ATG9B: variants seen among roughly 807,000 people sequenced by gnomAD.
ATG9B encodes autophagy related 9B, also known as autophagy-related protein 9B.
Under a neutral mutation model 92.9 loss-of-function variants are expected in ATG9B, and 92 were observed. That is an observed-to-expected ratio of 0.99 (90% CI 0.84 to 1.18). The LOEUF is 1.18. Among genes scored for constraint, ATG9B ranks in the 50% most tolerant of loss-of-function variants. The pLI, the probability that ATG9B is intolerant of heterozygous loss-of-function variation, is 0.00. For missense variants in ATG9B, 1,344 were observed against 1,235.0 expected, an observed-to-expected ratio of 1.09 and a Z score of -1.32; for synonymous variants, 599 against 551.4, an observed-to-expected ratio of 1.09 and a Z score of -1.21.
chr7:151,018,507 G>A lies in ATG9B; in HGVS notation c.1719-60C>T, dbSNP rs1196526452. 1.4e-5 allele frequency: 22 copies of A among 1,518,358 alleles called. No individual in the cohort carries two copies. Among genetic ancestry groups the A allele is most frequent in the Non-Finnish European group, 1.8e-5 (20 of 1,135,840 alleles). The allele number at this position is 1,518,358 out of a possible 1,614,324, so 94.1% of individuals were successfully genotyped here. A position where few individuals can be genotyped will look rare whatever the true frequency, so the allele number is the denominator to read the frequency against. On this transcript the variant is annotated intron_variant, in intron 6 of 13. Transcript: ENST00000639579. This position sits in a 1 kb window ranked among gnomAD's most constrained non-coding sequence, Gnocchi z 4.7. Reference sequence around the variant, plus strand: ...CGATTAGGAGGACGCGCGGTGGGATGTAGGGCTAGAGGGCCCCAGTGGTGG... The same window carrying A: ...CGATTAGGAGGACGCGCGGTGGGATATAGGGCTAGAGGGCCCCAGTGGTGG...
At chr7:151,013,465 G>A, downstream of ATG9B, 2 of 1,491,424 alleles carry the variant, frequency 1.3e-6, no homozygotes, top group Non-Finnish European at 1.8e-6. Flanking sequence ...CACCAACCAC[G>A]GCCCTCCCGT....
chr7:151,020,837 C>A, intron 5 of ATG9B: 1 of 226,138 alleles, frequency 4.4e-6, no homozygotes, highest in Non-Finnish European at 8.8e-6. Flanking sequence ...CTCCCCTCCC[C>A]TCCTGTCCTG....
chr7:151,018,398 G>A lies in ATG9B; in HGVS notation c.1768C>T (p.Leu590=). 6.4e-7 allele frequency: 1 copy of A among 1,569,738 alleles called. No homozygotes were observed. Among genetic ancestry groups the A allele is most frequent in the Non-Finnish European group, 8.6e-7 (1 of 1,159,088 alleles). The change falls in exon 7 of 14, where the codon CTG becomes TTG. Residue 590 remains leucine, a synonymous_variant. Coordinates refer to ENST00000639579, the MANE Select transcript of ATG9B (RefSeq NM_001317056.2). The surrounding 1 kb of genome is among the most constrained non-coding windows in gnomAD (Gnocchi z 4.7). ...QCQGRAPQLL[L]QTALAHMHYL... is the part of the protein sequence containing the mutation. Reference sequence around the variant, plus strand: ...TGCATGTGGGCCAGGGCTGTCTGCAGCAGGAGCTGCGGCGCACGACCCTGG... The same window carrying A: ...TGCATGTGGGCCAGGGCTGTCTGCAACAGGAGCTGCGGCGCACGACCCTGG...
At chr7:151,021,470 G>A (rs1027832543) in intron 4 of ATG9B, 141 bp from the exon 5 acceptor site, 4 of 1,179,800 alleles carry the variant, frequency 3.4e-6, no homozygotes, top group Non-Finnish European at 4.6e-6. Flanking sequence ...GCCCGGGGCA[G>A]GGGGTGGGTG....
chr7:151,024,236 G>A lies in ATG9B; in HGVS notation c.188C>T (p.Pro63Leu). The change falls in exon 1 of 14, where the codon CCC (proline) becomes CTC (leucine). Residue 63 changes from proline (P) to leucine (L), a missense_variant. Pro to Leu is a moderately conservative substitution (Grantham distance 98). Transcript: ENST00000639579. Reference sequence around the variant, plus strand: ...TGCGGTGGGAGGGGAAAATGAGGAGGGGGAGCTTCTTGTATGAGGGGCAGG... The same window carrying A: ...TGCGGTGGGAGGGGAAAATGAGGAGAGGGAGCTTCTTGTATGAGGGGCAGG... ...LSPAPHTRSS[P>L]SSFSPPTAGP... 1 of 1,482,704 alleles carries A rather than the reference G, an allele frequency of 6.7e-7. No individual in the cohort carries two copies. The highest frequency in any genetic ancestry group is 9.0e-7 in the Non-Finnish European group (1 of 1,114,760). The allele number at this position is 1,482,704 out of a possible 1,614,324, so 91.8% of individuals were successfully genotyped here. A position where few individuals can be genotyped will look rare whatever the true frequency, so the allele number is the denominator to read the frequency against.
At position 151,015,646 on chromosome 7, in the gene ATG9B, C is replaced by G. The variant is rs3918216; in HGVS notation, c.*82G>C. 2,002 of 453,272 alleles carry G rather than the reference C, an allele frequency of 4.4e-3. 41 individuals carry two copies. Among genetic ancestry groups the G allele is most frequent in the African/African-American group, 0.035 (1,737 of 49,604 alleles). 28.1% of individuals were successfully genotyped at this position (453,272 alleles called of 1,614,324 possible). ...CCTGGGCCTGTCATCTATGGGGCCTCTAACAATGACTCCTTGTGTTTTTCT... is the reference window on the plus strand; with the variant it reads ...CCTGGGCCTGTCATCTATGGGGCCTGTAACAATGACTCCTTGTGTTTTTCT... On this transcript the variant is annotated 3_prime_UTR_variant, in exon 14 of 14. Coordinates refer to ENST00000639579, the MANE Select transcript of ATG9B (RefSeq NM_001317056.2).
Position 151,024,431 on chromosome 7 carries a change from C to T in ATG9B, c.-8G>A, listed in dbSNP as rs1005239340. 7 of 1,338,778 alleles carry T rather than the reference C, an allele frequency of 5.2e-6. No individual in the cohort carries two copies. Among genetic ancestry groups the T allele is most frequent in the South Asian group, 2.5e-5 (1 of 39,342 alleles). 82.9% of individuals were successfully genotyped at this position (1,338,778 alleles called of 1,614,324 possible). A position where few individuals can be genotyped will look rare whatever the true frequency, so the allele number is the denominator to read the frequency against. ...GCCCATTCGGCTCACCATCAGGCCA[C>T]GGCTTCTCCAGAAAGGTTGGAAGGA... is the stretch of plus-strand genomic sequence containing the variant. On this transcript the variant is annotated 5_prime_UTR_variant, in exon 1 of 14. In the 5' UTR this introduces an upstream ATG that the reference lacks. Transcript: ENST00000639579.
chr7:151,013,530 C>T (rs1248106499), downstream of ATG9B: 144 of 1,180,082 alleles, frequency 1.2e-4, no homozygotes, highest in Non-Finnish European at 1.6e-4. Flanking sequence ...CCTTGTGCCC[C>T]GGCCCCTCTA....
At chr7:151,014,308 A>G, downstream of ATG9B, 2 of 936,574 alleles carry the variant, frequency 2.1e-6, no homozygotes, top group Non-Finnish European at 3.1e-6. Context: ...ATTCAGCATT[A>G]TTCCTCCAGG....
At position 151,023,871 on chromosome 7, in the gene ATG9B, T is replaced by C. The variant is rs1337928205; in HGVS notation, c.550+3A>G. ...CCTCTCCCACCCACACCCACACACATACCTCGGAGCCCTTCAGGGACATGA... is the reference window on the plus strand; with the variant it reads ...CCTCTCCCACCCACACCCACACACACACCTCGGAGCCCTTCAGGGACATGA... On this transcript the variant is annotated splice_donor_region_variant and intron_variant, in intron 1 of 13. Coordinates refer to ENST00000639579, the MANE Select transcript of ATG9B (RefSeq NM_001317056.2). 6.2e-7 allele frequency: 1 copy of C among 1,610,864 alleles called. No individual in the cohort carries two copies. The highest frequency in any genetic ancestry group is 8.5e-7 in the Non-Finnish European group (1 of 1,178,668).
downstream of ATG9B, chr7:151,012,735 T>G: frequency 2.4e-6 from 1 of 408,888 alleles, no homozygotes; most frequent in South Asian, 3.6e-5. Flanking sequence ...GGATTAGGGC[T>G]AAGACTCAAA....
rs760865823 is a variant in ATG9B at position 151,019,239 on chromosome 7, A to T, written c.1099T>A (p.Tyr367Asn). The T allele has an allele frequency of 7.1e-6, 11 of 1,557,568 alleles. No individual in the cohort carries two copies. In the South Asian group the frequency reaches 1.3e-4, roughly 18 times the overall value. Reference sequence around the variant, plus strand: ...CCTTTGTTGGCCAGCGCCACCTGGTAGTTGGTGTAGCGCAGGATGCGGTGG... The same window carrying T: ...CCTTTGTTGGCCAGCGCCACCTGGTTGTTGGTGTAGCGCAGGATGCGGTGG... ...IHHRILRYTN[Y>N]QVALANKGLL... The change falls in exon 6 of 14, where the codon TAC becomes AAC. Residue 367 changes from tyrosine (Y) to asparagine (N), a missense_variant. By Grantham distance (143) the Tyr-to-Asn change is moderately radical. Transcript: ENST00000639579.
chr7:151,015,845 G>A (rs1251084564), intron 13 of ATG9B, 37 bp downstream of exon 13: 11 of 1,531,148 alleles, frequency 7.2e-6, no homozygotes, highest in East Asian at 4.9e-5. Flanking sequence ...TACCTATGCC[G>A]TCCTTTCTCC....
intron 4 of ATG9B, 88 bp from the exon 5 acceptor site, chr7:151,021,417 A>G (rs1209684686): frequency 7.5e-6 from 11 of 1,462,822 alleles, no homozygotes; most frequent in Non-Finnish European, 8.2e-6. Context: ...AAAAACCATC[A>G]TGAGGAGGGG....
rs1262294083 is a variant in ATG9B, at chr7:151,017,158, G to C, written c.2167C>G (p.His723Asp). 6.2e-7 allele frequency: 1 copy of C among 1,613,170 alleles called. No homozygotes were observed. The highest frequency in any genetic ancestry group is 8.5e-7 in the Non-Finnish European group (1 of 1,179,824). ...LAHPLWRPPG[H>D]SSKFLGHLWG... ...AGGTGCCCAAGAAACTTAGAGCTGT[G>C]CCCTGGGGGGCGCCAGAGTGGATGC... is the stretch of plus-strand genomic sequence containing the variant. The change falls in exon 9 of 14, where the codon CAC becomes GAC. Residue 723 changes from histidine to aspartate, a missense_variant. Coordinates refer to ENST00000639579, the MANE Select transcript of ATG9B (RefSeq NM_001317056.2).
rs574506942 is a variant in ATG9B, at chr7:151,016,199, C to T, written c.2557G>A (p.Glu853Lys). Residue 853 changes from glutamate to lysine, a missense_variant, in exon 12 of 14, where the codon GAG becomes AAG. Glu to Lys is a moderately conservative substitution (Grantham distance 56, BLOSUM62 1). Transcript: ENST00000639579. ...QQQQQQEPWG[E>K]AAASILSRPC... ...CTGGACAGGATGGAGGCTGCAGCCTCACCCCACGGCTCCTGCTGCTGCTGC... is the reference window on the plus strand; with the variant it reads ...CTGGACAGGATGGAGGCTGCAGCCTTACCCCACGGCTCCTGCTGCTGCTGC... 107 of 1,512,892 alleles carry T rather than the reference C, an allele frequency of 7.1e-5. No individual in the cohort carries two copies. In the African/African-American group the frequency reaches 1.4e-3, roughly 20 times the overall value. 93.7% of individuals were successfully genotyped at this position (1,512,892 alleles called of 1,614,324 possible).
Position 151,018,893 on chromosome 7 carries a change from G to GAC in ATG9B, c.1443_1444dup (p.Ser482CysfsTer73), listed in dbSNP as rs1563254424. On this transcript the variant is annotated frameshift_variant, in exon 6 of 14. Transcript: ENST00000639579. LOFTEE classifies it high-confidence loss of function. This position sits in a 1 kb window ranked among gnomAD's most constrained non-coding sequence, Gnocchi z 4.7. ...GCGCAGCTGCAAGCGCGCCAGGCGG[G>GAC]ACCAGCCGCGCGCCCCCAGCGCGCC... The GAC allele has an allele frequency of 6.9e-7, 1 of 1,457,416 alleles. No homozygotes were observed. Among genetic ancestry groups the GAC allele is most frequent in the Non-Finnish European group, 9.0e-7 (1 of 1,113,686 alleles). 90.3% of individuals were successfully genotyped at this position (1,457,416 alleles called of 1,614,324 possible).
At chr7:151,021,456 T>C (rs1795745507) in intron 4 of ATG9B, 127 bp from the exon 5 acceptor site, 1 of 1,339,484 alleles carries the variant, frequency 7.5e-7, no homozygotes, top group Non-Finnish European at 9.9e-7. Context: ...GCTCTCAAGG[T>C]AGAGCCCGGG....
downstream of ATG9B, chr7:151,014,242 C>T: frequency 1.4e-6 from 2 of 1,409,786 alleles, no homozygotes; most frequent in Admixed American, 2.1e-5. Flanking sequence ...CAGGATCAGC[C>T]CCGCTCCTCC....
Sources: allele counts gnomAD v4.1 joint callset, GRCh38; gene constraint gnomAD v4.1.1; non-coding constraint Gnocchi (gnomAD v3.1); transcripts MANE v1.5; gene names NCBI Gene and HGNC (gene_info 2026-07-23, HGNC 2026-07-21).